The following CAP2 variants were observed in gnomAD, a reference collection of about 807,000 sequenced individuals.
CAP2 encodes cyclase associated actin cytoskeleton regulatory protein 2.
A neutral mutation model predicts 57.7 loss-of-function variants in CAP2; 24 were observed. That is an observed-to-expected ratio of 0.42 (90% CI 0.30 to 0.58). CAP2 has a LOEUF of 0.58. CAP2 is among the 20% of genes least tolerant of loss of function. CAP2 has a pLI of 0.22. For synonymous variants in CAP2, 194 were observed against 207.2 expected (o/e 0.94, Z 0.55); for missense variants, 501 against 590.3 (o/e 0.85, Z 1.57).
At chr6:17,507,352 C>T (rs780295501) in intron 5 of CAP2, 40 bp downstream of exon 5, 20 of 1,604,226 alleles carry the variant, frequency 1.2e-5, no homozygotes, top group Non-Finnish European at 1.6e-5. Context: ...CCTCATCACA[C>T]GTTTGGAGTA....
intron 7 of CAP2, among the ~76,000 whole-genome samples, chr6:17,532,134 CTTTT>C (rs35428314): frequency 1.2e-5 from 1 of 85,990 alleles, no homozygotes. Flanking sequence ...GTTTGAAAAT[CTTTT>C]TTTTTTTTTT....
chr6:17,420,930 T>A (rs966660317), intron 1 of CAP2, among the ~76,000 whole-genome samples: 1 of 152,222 alleles, frequency 6.6e-6, no homozygotes, highest in Non-Finnish European at 1.5e-5. Flanking sequence ...AAAAGACGCA[T>A]GCACACACAT....
intron 7 of CAP2, chr6:17,531,638 G>T (rs920898183): frequency 1.1e-5 from 13 of 1,159,146 alleles, no homozygotes; most frequent in Non-Finnish European, 1.6e-5. Context: ...ACCTTCCATG[G>T]TTCCAGCCAG....
intron 4 of CAP2, among the ~76,000 whole-genome samples, chr6:17,499,514 T>G (rs565970517): frequency 6.6e-6 from 1 of 151,476 alleles, no homozygotes; most frequent in South Asian, 2.1e-4. Flanking sequence ...AAAGACCAAG[T>G]CACCAGGTTT....
chr6:17,551,691 T>C (rs557844559), intron 12 of CAP2, 87 bp downstream of exon 12: 7 of 1,021,178 alleles, frequency 6.9e-6, no homozygotes, highest in South Asian at 1.9e-5. Flanking sequence ...GCTACCAACC[T>C]GCGAGCTTTA....
chr6:17,551,934 G>A lies in CAP2; in HGVS notation c.1350+330G>A, dbSNP rs1581617644. On this transcript the variant is annotated intron_variant, in intron 12 of 12. Coordinates refer to ENST00000229922, the MANE Select transcript of CAP2 (RefSeq NM_006366.3). The stretch of plus-strand genomic sequence containing the variant: ...TCTGGTGGAGGTAAACAGGAAAGAA[G>A]GAGAAATAAATACTTAGGGGAAAAA... Among the ~76,000 whole-genome samples the A allele has an allele frequency of 3.3e-5, 5 of 152,148 alleles. No individual in the cohort carries two copies. The South Asian group carries it at 1.0e-3, about 31-fold the overall frequency.
chr6:17,425,909 AT>A (rs1235890441), intron 2 of CAP2, among the ~76,000 whole-genome samples: 3 of 152,106 alleles, frequency 2.0e-5, no homozygotes, highest in Non-Finnish European at 4.4e-5. Context: ...AGCCTGACCA[AT>A]ATGGTGAGAC....
intron 2 of CAP2, among the ~76,000 whole-genome samples, chr6:17,424,128 G>A (rs1025265197): frequency 1.3e-4 from 19 of 151,888 alleles, no homozygotes; most frequent in Non-Finnish European, 2.4e-4. Flanking sequence ...CGGGATGGAC[G>A]CAGTGGCTCA....
intron 4 of CAP2, among the ~76,000 whole-genome samples, chr6:17,466,037 A>G (rs947845879): frequency 2.6e-5 from 4 of 152,214 alleles, no homozygotes; most frequent in Non-Finnish European, 5.9e-5. Context: ...GGTATGCTCA[A>G]GTCATTGCTG....
intron 11 of CAP2, among the ~76,000 whole-genome samples, chr6:17,544,109 A>T (rs1474657660): frequency 7.1e-6 from 1 of 140,144 alleles, no homozygotes; most frequent in African/African-American, 2.6e-5. Context: ...TGGGCAACAG[A>T]GAGAGACTCT....
intron 7 of CAP2, among the ~76,000 whole-genome samples, chr6:17,525,203 A>G (rs1273980296): frequency 6.6e-6 from 1 of 152,138 alleles, no homozygotes; most frequent in Non-Finnish European, 1.5e-5. Context: ...ACACCTGGCC[A>G]TTTTAGAGTA....
intron 3 of CAP2, among the ~76,000 whole-genome samples, chr6:17,428,773 A>AT (rs1759653263): frequency 7.3e-6 from 1 of 137,418 alleles, no homozygotes. Context: ...TTAAAGTATA[A>AT]TAAAAAAAAA....
At chr6:17,555,544 T>TATC (rs1336212529) in intron 12 of CAP2, among the ~76,000 whole-genome samples, 1 of 151,002 alleles carries the variant, frequency 6.6e-6, no homozygotes, top group Non-Finnish European at 1.5e-5. Context: ...TGCATTTTAT[T>TATC]ATTATTATTA....
At chr6:17,499,137 GCCTGTAATC>G (rs1397669262) in intron 4 of CAP2, among the ~76,000 whole-genome samples, 1 of 151,988 alleles carries the variant, frequency 6.6e-6, no homozygotes, top group Admixed American at 6.5e-5. Context: ...GGTGGCTCAC[GCCTGTAATC>G]CCAGCAATTT....
intron 1 of CAP2, among the ~76,000 whole-genome samples, chr6:17,420,234 G>A (rs962329793): frequency 6.6e-6 from 1 of 152,166 alleles, no homozygotes; most frequent in Non-Finnish European, 1.5e-5. Flanking sequence ...CCAGCCAAGA[G>A]TACTGGGTAA....
At chr6:17,554,263 C>T (rs1247364831) in intron 12 of CAP2, among the ~76,000 whole-genome samples, 1 of 152,148 alleles carries the variant, frequency 6.6e-6, no homozygotes, top group Non-Finnish European at 1.5e-5. Context: ...TGTGCCACCA[C>T]ACCCTGCTAA....
At chr6:17,451,095 G>C (rs945295735) in intron 3 of CAP2, among the ~76,000 whole-genome samples, 1 of 152,136 alleles carries the variant, frequency 6.6e-6, no homozygotes, top group Non-Finnish European at 1.5e-5. Flanking sequence ...AAAGGCAGCT[G>C]TGGCTGAGTT....
At chr6:17,431,655 G>C (rs4716143) in intron 3 of CAP2, among the ~76,000 whole-genome samples, 80,599 of 152,014 alleles carry the variant, frequency 0.53, 23,886 homozygotes, top group African/African-American at 0.81. Context: ...AGAAGTCTCT[G>C]TTCCTCTGAC....
chr6:17,424,746 C>T (rs932901459), intron 2 of CAP2, among the ~76,000 whole-genome samples: 4 of 152,124 alleles, frequency 2.6e-5, no homozygotes, highest in African/African-American at 7.2e-5. Flanking sequence ...CAGGTCTGCC[C>T]GCAGGAGGTG....
Sources: allele counts gnomAD v4.1 joint callset (sites outside exome capture counted in the v4.1 genomes callset), GRCh38; gene constraint gnomAD v4.1.1; transcripts MANE v1.5; gene names NCBI Gene and HGNC (gene_info 2026-07-23, HGNC 2026-07-21).